The following SPG11 variants were observed in gnomAD, a reference collection of about 807,000 sequenced individuals.
The protein encoded by SPG11 is SPG11 vesicle trafficking associated, spatacsin, also known as spatacsin.
SPG11 carries 222 observed loss-of-function variants against 274.0 expected under a neutral mutation model. The observed-to-expected ratio is 0.81, with a 90% CI of 0.73 to 0.91. The LOEUF (loss-of-function observed/expected upper bound fraction) is 0.91, where lower values mean the gene tolerates loss of function less well. SPG11 is among the 40% of genes least tolerant of loss of function. SPG11 has a pLI of 0.00. For missense variants in SPG11, 3,114 were observed against 2,872.7 expected (o/e 1.08, Z -1.92); for synonymous variants, 1,144 against 1,039.7 (o/e 1.10, Z -1.93).
Position 44,598,305 on chromosome 15 carries a change from C to A in SPG11, c.3961G>T (p.Glu1321Ter). The change falls in exon 23 of 40, where the codon GAA becomes TAA. Residue 1321 changes from glutamate to a stop codon, truncating the protein, a stop_gained. Coordinates refer to ENST00000261866, the MANE Select transcript of SPG11 (RefSeq NM_025137.4). LOFTEE classifies it high-confidence loss of function. Reference sequence around the variant, plus strand: ...TGCTGAATGCTGTTCCATGTACCTTCTTCTAAGAGAACAAGCAATTCTTCT... The same window carrying A: ...TGCTGAATGCTGTTCCATGTACCTTATTCTAAGAGAACAAGCAATTCTTCT... ...TTEELLVLLE[E>*]GTWNSIQQQE... 6.2e-7 allele frequency: 1 copy of A among 1,614,096 alleles called. No homozygotes were observed. The highest frequency in any genetic ancestry group is 8.5e-7 in the Non-Finnish European group (1 of 1,179,960).
intron 15 of SPG11, among the ~76,000 whole-genome samples, chr15:44,617,989 C>G (rs2083633514): frequency 6.6e-6 from 1 of 151,704 alleles, no homozygotes; most frequent in African/African-American, 2.4e-5. Flanking sequence ...CCTCTAATTT[C>G]TATATAAATA....
rs774734368 is a variant in SPG11, at chr15:44,596,103, C to T, written c.4414G>A (p.Val1472Ile). Residue 1472 changes from valine to isoleucine, a missense_variant, in exon 25 of 40, where the codon GTT becomes ATT. Transcript: ENST00000261866. ...CTCACCTGGAGACATGAGGCCAGAA[C>T]ACTGAGGATAGGGGCCTGTTGTTTC... is the stretch of plus-strand genomic sequence containing the variant. ...AVKQQAPILS[V>I]LASCLQGASA... The T allele has an allele frequency of 6.2e-7, 1 of 1,613,692 alleles. No homozygotes were observed. The highest frequency in any genetic ancestry group is 1.7e-5 in the Admixed American group (1 of 60,022).
intron 28 of SPG11, chr15:44,588,586 G>A (rs549349515): frequency 8.6e-5 from 33 of 385,860 alleles, no homozygotes; most frequent in Non-Finnish European, 1.6e-4. Flanking sequence ...AGGCTGGGCC[G>A]TTTGCATAGC....
chr15:44,594,596 GAAAAAA>G, intron 26 of SPG11, among the ~76,000 whole-genome samples: 1 of 71,046 alleles, frequency 1.4e-5, no homozygotes, highest in East Asian at 4.4e-4. Flanking sequence ...TTAAAAATGC[GAAAAAA>G]AAAAAAAAAA....
chr15:44,588,737 A>C, intron 28 of SPG11: 1 of 354,262 alleles, frequency 2.8e-6, no homozygotes, highest in Non-Finnish European at 5.8e-6. Flanking sequence ...CCTTTGATCA[A>C]CCGCGGGTAC....
At chr15:44,598,517 G>A (rs1431182442) in intron 22 of SPG11, 114 bp downstream of exon 22, 1 of 1,306,108 alleles carries the variant, frequency 7.7e-7, no homozygotes, top group Non-Finnish European at 1.1e-6. Flanking sequence ...CACTCTGCAG[G>A]AAAAGGATAA....
In SPG11 at chr15:44,621,937, A is replaced by T; in HGVS notation, c.2445-3T>A. 4 of 1,604,710 alleles carry T rather than the reference A, an allele frequency of 2.5e-6. No individual in the cohort carries two copies. Among genetic ancestry groups the T allele is most frequent in the Non-Finnish European group, 3.4e-6 (4 of 1,176,336 alleles). On this transcript the variant is annotated splice_region_variant and splice_polypyrimidine_tract_variant and intron_variant, in intron 13 of 39. Transcript: ENST00000261866. ...AATCTTGTTCCTTTATCCAGTACCT[A>T]AAAACAGTGATATAAATTTTTTTTT...
rs1292456117 is a variant in SPG11 at position 44,628,848 on chromosome 15, T to C, written c.1892-4A>G. 3.7e-6 allele frequency: 6 copies of C among 1,612,330 alleles called. No homozygotes were observed. In the African/African-American group the frequency reaches 4.0e-5, roughly 11 times the overall value. On this transcript the variant is annotated splice_polypyrimidine_tract_variant and splice_region_variant and intron_variant, in intron 9 of 39. Transcript: ENST00000261866. ...TTTTGCAGATGTTCATCTAGTTCTA[T>C]GGAAAATACCAATGTGCCAATTTGT...
chr15:44,617,150 T>C (rs2083609761), intron 15 of SPG11, among the ~76,000 whole-genome samples: 1 of 152,152 alleles, frequency 6.6e-6, no homozygotes, highest in Non-Finnish European at 1.5e-5. Context: ...TAAAAGGAAA[T>C]ATCCTGGCTC....
chr15:44,613,517 G>A lies in SPG11; in HGVS notation c.3058C>T (p.Pro1020Ser). Residue 1020 changes from proline to serine, a missense_variant, in exon 17 of 40, where the codon CCC becomes TCC. Physicochemically the swap from Pro to Ser is moderately conservative, Grantham distance 74. Coordinates refer to ENST00000261866, the MANE Select transcript of SPG11 (RefSeq NM_025137.4). ...TGTAACTCTTTTTTTTCCAAAAAGG[G>A]ACAATTTTCAGGACTAAGTCTGTAT... ...DCYKLSPENCPFLEKKELHEA... is the reference protein window; with the variant it reads ...DCYKLSPENCSFLEKKELHEA... 1 of 1,613,026 alleles carries A rather than the reference G, an allele frequency of 6.2e-7. No individual in the cohort carries two copies. The highest frequency in any genetic ancestry group is 8.5e-7 in the Non-Finnish European group (1 of 1,179,256).
chr15:44,566,221 G>T lies in SPG11; in HGVS notation c.6839C>A (p.Ala2280Asp), dbSNP rs1239249150. ...TGAAAAAAGCCTTTGGGTTACCTTG[G>T]CATAACTCTCTGCTGCATCCAACAT... ...TLMLDAAESY[A>D]KDSCVRQAQH... The change falls in exon 37 of 40, where the codon GCC (alanine) becomes GAC (aspartate). Residue 2280 changes from alanine (A) to aspartate (D), a missense_variant. Physicochemically the swap from Ala to Asp is moderately radical, Grantham distance 126 (BLOSUM62 -2). Coordinates refer to ENST00000261866, the MANE Select transcript of SPG11 (RefSeq NM_025137.4). The T allele has an allele frequency of 1.9e-6, 3 of 1,614,052 alleles. No homozygotes were observed. The highest frequency in any genetic ancestry group is 2.5e-6 in the Non-Finnish European group (3 of 1,180,010).
In SPG11 at chr15:44,598,768, G is replaced by A; in HGVS notation, c.3755C>T (p.Ala1252Val). 1 of 1,614,178 alleles carries A rather than the reference G, an allele frequency of 6.2e-7. No individual in the cohort carries two copies. The highest frequency in any genetic ancestry group is 1.1e-5 in the South Asian group (1 of 91,082). Reference protein sequence around the residue: ...LSSFHIPSIGAACVCFLELLG... With the variant: ...LSSFHIPSIGVACVCFLELLG... The stretch of plus-strand genomic sequence containing the variant: ...CAATTCTAAGAAACAAACACATGCA[G>A]CTCCTATTGAAGGTATGTGGAAGGA... The change falls in exon 22 of 40, where the codon GCT becomes GTT. Residue 1252 changes from alanine to valine, a missense_variant. Transcript: ENST00000261866.
chr15:44,658,781 C>T (rs1351432206), intron 3 of SPG11, among the ~76,000 whole-genome samples: 1 of 151,936 alleles, frequency 6.6e-6, no homozygotes, highest in Non-Finnish European at 1.5e-5. Flanking sequence ...AGTAGATATT[C>T]AAGAAATACA....
At chr15:44,644,007 C>CA (rs1016828378) in intron 7 of SPG11, among the ~76,000 whole-genome samples, 164 of 147,646 alleles carry the variant, frequency 1.1e-3, no homozygotes, top group African/African-American at 3.0e-3. Context: ...ACTAAAAATA[C>CA]AAAAAAAAAA....
intron 35 of SPG11, 50 bp downstream of exon 35, chr15:44,569,348 T>C (rs374855942): frequency 1.5e-6 from 2 of 1,315,998 alleles, no homozygotes; most frequent in African/African-American, 1.5e-5. Flanking sequence ...CTGAGGCTCC[T>C]GAATTATCAG....
rs1217737861 is a variant in SPG11 at position 44,621,929 on chromosome 15, C to T, written c.2450G>A (p.Trp817Ter). 2.5e-6 allele frequency: 4 copies of T among 1,611,192 alleles called. No homozygotes were observed. In the East Asian group the frequency reaches 6.7e-5, roughly 27 times the overall value. Residue 817 changes from tryptophan to a stop codon, truncating the protein, a stop_gained, in exon 14 of 40, where the codon TGG (tryptophan) becomes TAG (stop). Transcript: ENST00000261866. LOFTEE classifies it high-confidence loss of function. ...CTTGAAAAAATCTTGTTCCTTTATCCAGTACCTAAAAACAGTGATATAAAT... is the reference window on the plus strand; with the variant it reads ...CTTGAAAAAATCTTGTTCCTTTATCTAGTACCTAAAAACAGTGATATAAAT... ...NMQIQSFPRY[W>*]IKEQDFFKHK...
rs925091439 is a variant in SPG11 at position 44,598,252 on chromosome 15, G to C, written c.4001+13C>G. 4 of 1,587,618 alleles carry C rather than the reference G, an allele frequency of 2.5e-6. No individual in the cohort carries two copies. The Admixed American group carries it at 5.0e-5, about 20-fold the overall frequency. On this transcript the variant is annotated intron_variant, in intron 23 of 39. Coordinates refer to ENST00000261866, the MANE Select transcript of SPG11 (RefSeq NM_025137.4). The stretch of plus-strand genomic sequence containing the variant: ...GCTTGTTAGAAAAGAGGCTGAGACT[G>C]CAACTCACAAACCTCTTTATTTCCT...
At chr15:44,651,397 T>G in intron 6 of SPG11, 94 bp downstream of exon 6, 1 of 1,087,700 alleles carries the variant, frequency 9.2e-7, no homozygotes, top group Non-Finnish European at 1.4e-6. Flanking sequence ...CAATACCACT[T>G]AAAGGCAAGA....
intron 7 of SPG11, among the ~76,000 whole-genome samples, chr15:44,637,052 T>C (rs894681027): frequency 1.3e-5 from 2 of 151,412 alleles, no homozygotes; most frequent in African/African-American, 4.8e-5. Context: ...GAAGTTTTTC[T>C]ATAGATTTAC....
Sources: allele counts gnomAD v4.1 joint callset (sites outside exome capture counted in the v4.1 genomes callset), GRCh38; gene constraint gnomAD v4.1.1; transcripts MANE v1.5; gene names NCBI Gene and HGNC (gene_info 2026-07-23, HGNC 2026-07-21).